PPM1A: variants seen among roughly 807,000 people sequenced by gnomAD.
The protein encoded by PPM1A is protein phosphatase, Mg2+/Mn2+ dependent 1A, also known as protein phosphatase 1A.
A neutral mutation model predicts 35.0 loss-of-function variants in PPM1A; 7 were observed. The ratio of observed to expected loss-of-function variants is 0.20; its 90% CI spans 0.11 to 0.38. The LOEUF (loss-of-function observed/expected upper bound fraction) is 0.38. Among genes scored for constraint, PPM1A ranks in the 10% least tolerant of loss-of-function variants. PPM1A has a pLI of 1.00. For missense variants in PPM1A, 239 were observed against 467.8 expected (o/e 0.51, Z 4.51); for synonymous variants, 153 against 167.3 (o/e 0.91, Z 0.66).
chr14:60,295,370 C>T lies in PPM1A; in HGVS notation c.*2888C>T, dbSNP rs1887978910. On this transcript the variant is annotated 3_prime_UTR_variant, in exon 6 of 6. Coordinates refer to ENST00000395076, the MANE Select transcript of PPM1A (RefSeq NM_021003.5). ...ATACTTTAAAAAATCAAAGTGATAA[C>T]TTAATTCAGCTTTGGAAGTATCTCA... The T allele has an allele frequency of 6.6e-6, 1 of 151,564 alleles. No individual in the cohort carries two copies. The highest frequency in any genetic ancestry group is 2.4e-5 in the African/African-American group (1 of 41,352). The allele number at this position is 151,564 out of a possible 1,614,324, so 9.4% of individuals were successfully genotyped here. A position where few individuals can be genotyped will look rare whatever the true frequency, so the allele number is the denominator to read the frequency against.
At chr14:60,274,221 T>G (rs987246933) in intron 1 of PPM1A, among the ~76,000 whole-genome samples, 1 of 152,104 alleles carries the variant, frequency 6.6e-6, no homozygotes, top group Non-Finnish European at 1.5e-5. Flanking sequence ...AGAGTGTTTC[T>G]GGAGGGAGTG....
At chr14:60,277,043 A>G (rs1389791819) in intron 1 of PPM1A, 14 of 1,212,400 alleles carry the variant, frequency 1.2e-5, no homozygotes, top group African/African-American at 4.7e-5. Flanking sequence ...TGATAATACT[A>G]GTGCTGTGAT....
At chr14:60,257,294 A>G (rs1233687741) in intron 1 of PPM1A, among the ~76,000 whole-genome samples, 1 of 152,204 alleles carries the variant, frequency 6.6e-6, no homozygotes, top group East Asian at 1.9e-4. Flanking sequence ...GGTAACTTCA[A>G]TGTTTATTGA....
intron 1 of PPM1A, among the ~76,000 whole-genome samples, chr14:60,255,531 A>G (rs1883012697): frequency 6.6e-6 from 1 of 152,226 alleles, no homozygotes; most frequent in African/African-American, 2.4e-5. Flanking sequence ...AGTTAATTCT[A>G]AAGGGAAAAA....
At chr14:60,270,953 T>C (rs1393120951) in intron 1 of PPM1A, among the ~76,000 whole-genome samples, 3 of 152,248 alleles carry the variant, frequency 2.0e-5, no homozygotes, top group African/African-American at 7.2e-5. Flanking sequence ...TAACAAATTA[T>C]CACGAACTTG....
chr14:60,262,623 A>G (rs1008062144), intron 1 of PPM1A, among the ~76,000 whole-genome samples: 2 of 152,198 alleles, frequency 1.3e-5, no homozygotes, highest in African/African-American at 2.4e-5. Context: ...GCTCCACGCT[A>G]TAGTTTGAGT....
chr14:60,260,467 T>A (rs1883622531), intron 1 of PPM1A, among the ~76,000 whole-genome samples: 1 of 152,162 alleles, frequency 6.6e-6, no homozygotes, highest in Non-Finnish European at 1.5e-5. Flanking sequence ...TCACGTTTTT[T>A]AACCTTTTTA....
Position 60,250,084 on chromosome 14 carries a change from C to T in PPM1A, c.-21+407C>T, listed in dbSNP as rs1426069411. 2.6e-5 allele frequency among the ~76,000 whole-genome samples: 4 copies of T among 151,862 alleles called. No individual in the cohort carries two copies. The East Asian group carries it at 7.8e-4, about 30-fold the overall frequency. On this transcript the variant is annotated intron_variant, in intron 1 of 5. Coordinates refer to ENST00000395076, the MANE Select transcript of PPM1A (RefSeq NM_021003.5). ...CGCCCCCACCCGCTCGGGCGCGCCG[C>T]CCCGGCTGTCCTGGGCTTCAGCCCC...
chr14:60,250,056 C>G (rs986541713), intron 1 of PPM1A, among the ~76,000 whole-genome samples: 4 of 151,462 alleles, frequency 2.6e-5, no homozygotes, highest in Non-Finnish European at 5.9e-5. Context: ...GGGGGCGTCC[C>G]CGCGCCCCCA....
chr14:60,260,419 G>C (rs1286654001), intron 1 of PPM1A, among the ~76,000 whole-genome samples: 4 of 151,954 alleles, frequency 2.6e-5, no homozygotes, highest in Non-Finnish European at 5.9e-5. Flanking sequence ...ATTTACTATA[G>C]CATGAGTATT....
At chr14:60,246,052 G>T, upstream of PPM1A, 1 of 1,568,788 alleles carries the variant, frequency 6.4e-7, no homozygotes. Flanking sequence ...AACAGGTAGT[G>T]AGGGAGGAAG....
At chr14:60,257,751 C>T (rs952576016) in intron 1 of PPM1A, among the ~76,000 whole-genome samples, 6 of 152,064 alleles carry the variant, frequency 3.9e-5, no homozygotes, top group Non-Finnish European at 8.8e-5. Flanking sequence ...ATGAAGTGTG[C>T]TTACCTTTAT....
At chr14:60,272,529 A>G (rs1284140204) in intron 1 of PPM1A, among the ~76,000 whole-genome samples, 2 of 152,026 alleles carry the variant, frequency 1.3e-5, no homozygotes, top group African/African-American at 2.4e-5. Context: ...CAACATGATG[A>G]ATCCCCATCT....
Position 60,291,034 on chromosome 14 carries a change from C to T in PPM1A, c.1062-363C>T, listed in dbSNP as rs187296780. Among the ~76,000 whole-genome samples, 175 of 152,200 alleles carry T rather than the reference C, an allele frequency of 1.1e-3. 1 individual carries two copies. The highest frequency in any genetic ancestry group is 3.5e-3 in the Admixed American group (53 of 15,286). On this transcript the variant is annotated intron_variant, in intron 4 of 5. Transcript: ENST00000395076. The stretch of plus-strand genomic sequence containing the variant: ...CTGAGACTTCAAAACTACGATGCAA[C>T]TCAACTAGCTTATGTTAGTATTATA...
At chr14:60,265,448 G>T (rs1378358842) in intron 1 of PPM1A, among the ~76,000 whole-genome samples, 1 of 152,206 alleles carries the variant, frequency 6.6e-6, no homozygotes, top group African/African-American at 2.4e-5. Flanking sequence ...AAGGCTCACA[G>T]TTTTAGCTTC....
intron 1 of PPM1A, among the ~76,000 whole-genome samples, chr14:60,280,685 G>C (rs1368086055): frequency 6.6e-6 from 1 of 152,024 alleles, no homozygotes; most frequent in African/African-American, 2.4e-5. Context: ...ATTTCTTGTT[G>C]GCCCTTAATG....
At chr14:60,272,380 G>C (rs182646420) in intron 1 of PPM1A, among the ~76,000 whole-genome samples, 1 of 151,526 alleles carries the variant, frequency 6.6e-6, no homozygotes, top group Non-Finnish European at 1.5e-5. Context: ...ACACTAGGGG[G>C]AGTGTTGGGG....
rs370924294 is a variant in PPM1A, at chr14:60,270,942, A to G, written c.-20-11742A>G. Reference sequence around the variant, plus strand: ...CATTCTGCTAATTTCCATGGCTGCTATAACAAATTATCACGAACTTGGTGG... The same window carrying G: ...CATTCTGCTAATTTCCATGGCTGCTGTAACAAATTATCACGAACTTGGTGG... On this transcript the variant is annotated intron_variant, in intron 1 of 5. Transcript: ENST00000395076. 1.7e-4 allele frequency among the ~76,000 whole-genome samples: 26 copies of G among 152,376 alleles called. 1 individual carries two copies. The South Asian group carries it at 5.0e-3, about 29-fold the overall frequency.
intron 1 of PPM1A, among the ~76,000 whole-genome samples, chr14:60,263,079 G>A (rs1054119471): frequency 4.6e-5 from 7 of 152,076 alleles, no homozygotes; most frequent in African/African-American, 7.2e-5. Flanking sequence ...TTAGCCGAAC[G>A]TGGTGGTGCA....
Sources: allele counts gnomAD v4.1 joint callset (sites outside exome capture counted in the v4.1 genomes callset), GRCh38; gene constraint gnomAD v4.1.1; transcripts MANE v1.5; gene names NCBI Gene and HGNC (gene_info 2026-07-23, HGNC 2026-07-21).